NHS: variants seen among roughly 807,000 people sequenced by gnomAD.
The protein encoded by NHS is NHS actin remodeling regulator.
Under a neutral mutation model 72.5 loss-of-function variants are expected in NHS, and 5 were observed. The observed-to-expected ratio is 0.07, with a 90% CI of 0.04 to 0.14. The LOEUF (loss-of-function observed/expected upper bound fraction) is 0.14. NHS is among the 10% of genes least tolerant of loss of function. The pLI, the probability that NHS is intolerant of heterozygous loss-of-function variation, is 1.00. For synonymous variants in NHS, 464 were observed against 547.7 expected (o/e 0.85, Z 2.13); for missense variants, 1,072 against 1,355.7 (o/e 0.79, Z 3.29).
At chrX:17,429,070 T>C (rs555189706) in intron 1 of NHS, among the ~76,000 whole-genome samples, 5 of 111,787 alleles carry the variant, frequency 4.5e-5, no homozygotes, top group Middle Eastern at 9.2e-3. Context: ...ACGCACACAC[T>C]TGTGGAATTC....
chrX:17,577,736 A>G (rs1909704789), intron 1 of NHS, among the ~76,000 whole-genome samples: 1 of 111,829 alleles, frequency 8.9e-6, no homozygotes, highest in African/African-American at 3.3e-5. Flanking sequence ...AGTTGGCTCT[A>G]AAGATAATAA....
At chrX:17,679,690 TG>T (rs1210721319) in intron 1 of NHS, among the ~76,000 whole-genome samples, 1 of 111,236 alleles carries the variant, frequency 9.0e-6, no homozygotes, top group Non-Finnish European at 1.9e-5. Context: ...GTAACCAAGT[TG>T]GGCTCTCCTT....
rs192386402 is a variant in NHS, at chrX:17,566,147, T to A, written c.566-121595T>A. Among the ~76,000 whole-genome samples, 11 of 109,885 alleles carry A rather than the reference T, an allele frequency of 1.0e-4. No homozygotes were observed. The East Asian group carries it at 3.2e-3, about 32-fold the overall frequency. ...GGTGCGTGCCACCACACCCAGCTAA[T>A]TTTTAATTTTTTTTTTGTAGAGACG... On this transcript the variant is annotated intron_variant, in intron 1 of 8. Transcript: ENST00000676302.
rs371393058 is a variant in NHS, at chrX:17,519,925, T to TA, written c.565+143603_565+143604insA. 4.7e-3 allele frequency among the ~76,000 whole-genome samples: 517 copies of TA among 110,663 alleles called. 3 individuals are homozygous for TA. The highest frequency in any genetic ancestry group is 0.016 in the African/African-American group (481 of 30,327). ...GTTCTTTGCCTCTTAATCTCTCAAT[T>TA]CCCAACATAAGGCATTTCCCACTCC... On this transcript the variant is annotated intron_variant, in intron 1 of 8. Coordinates refer to ENST00000676302, the MANE Select transcript of NHS (RefSeq NM_001291867.2).
At chrX:17,552,382 C>G (rs1328155490) in intron 1 of NHS, 1 of 111,993 alleles carries the variant, frequency 8.9e-6, no homozygotes, top group Non-Finnish European at 1.9e-5. Flanking sequence ...AGTTTTCTCA[C>G]AGAGCACAAG....
chrX:17,561,375 G>A (rs2065411211), intron 1 of NHS, among the ~76,000 whole-genome samples: 1 of 110,371 alleles, frequency 9.1e-6, no homozygotes, highest in South Asian at 3.9e-4. Context: ...AGGATTCAGA[G>A]GTGCTATCTC....
intron 1 of NHS, among the ~76,000 whole-genome samples, chrX:17,414,335 G>C (rs973774391): frequency 1.8e-5 from 2 of 112,172 alleles, no homozygotes; most frequent in African/African-American, 6.5e-5. Context: ...AACGAATCCC[G>C]GTGGCTTGAG....
intron 1 of NHS, among the ~76,000 whole-genome samples, chrX:17,523,593 T>C (rs1233974387): frequency 3.6e-5 from 4 of 111,745 alleles, no homozygotes; most frequent in Non-Finnish European, 7.5e-5. Context: ...TCTCCCCAGA[T>C]GAGCTGACCT....
chrX:17,493,080 G>A (rs1257576953), intron 1 of NHS, among the ~76,000 whole-genome samples: 1 of 111,544 alleles, frequency 9.0e-6, no homozygotes, highest in Non-Finnish European at 1.9e-5. Context: ...GGAACAATAT[G>A]ATGAACCTTT....
chrX:17,390,849 G>A (rs1296781869), intron 1 of NHS, among the ~76,000 whole-genome samples: 1 of 111,967 alleles, frequency 8.9e-6, no homozygotes, highest in Non-Finnish European at 1.9e-5. Flanking sequence ...TAATACCAGC[G>A]AATCTCAGGC....
chrX:17,624,598 A>T (rs2065788806), intron 1 of NHS, among the ~76,000 whole-genome samples: 1 of 113,461 alleles, frequency 8.8e-6, no homozygotes, highest in Non-Finnish European at 1.9e-5. Context: ...TATATCTGAG[A>T]TTCACCCATA....
rs1007858515 is a variant in NHS at position 17,728,723 on chromosome X, G to A, written c.4297G>A (p.Val1433Met). The change falls in exon 8 of 9, where the codon GTG (valine) becomes ATG (methionine). Residue 1433 changes from valine (V) to methionine (M), a missense_variant. Coordinates refer to ENST00000676302, the MANE Select transcript of NHS (RefSeq NM_001291867.2). ...DSQAEAEGVF[V>M]SPNKPRTTED... ...CCAAGCTGAAGCAGAGGGTGTGTTC[G>A]TGTCTCCAAACAAACCTCGAACAAC... 5.8e-6 allele frequency: 7 copies of A among 1,209,016 alleles called. No individual in the cohort carries two copies. In the African/African-American group the frequency reaches 7.0e-5, roughly 12 times the overall value.
At chrX:17,561,605 CACACACACACACACAT>C (rs1422636125) in intron 1 of NHS, among the ~76,000 whole-genome samples, 1 of 104,158 alleles carries the variant, frequency 9.6e-6, no homozygotes, top group African/African-American at 3.5e-5. Flanking sequence ...CACACACACA[CACACACACACACACAT>C]CATGCCTTCC....
chrX:17,702,355 G>T (rs920038320), intron 3 of NHS, among the ~76,000 whole-genome samples: 8 of 111,775 alleles, frequency 7.2e-5, no homozygotes, highest in Non-Finnish European at 1.3e-4. Context: ...TTTATTGATA[G>T]ATTAATGAGT....
chrX:17,597,452 A>G (rs2065630442), intron 1 of NHS, among the ~76,000 whole-genome samples: 1 of 107,403 alleles, frequency 9.3e-6, no homozygotes, highest in Non-Finnish European at 1.9e-5. Flanking sequence ...TTTTTAAGAA[A>G]AAACAAAAAA....
chrX:17,378,059 C>CGTGTGTGTGTGTGTGTGTGTGTGTGT lies in NHS; in HGVS notation c.565+1739_565+1764dup, dbSNP rs34807039. Among the ~76,000 whole-genome samples the CGTGTGTGTGTGTGTGTGTGTGTGTGT allele has an allele frequency of 9.0e-3, 912 of 101,019 alleles. 9 individuals are homozygous for CGTGTGTGTGTGTGTGTGTGTGTGTGT. The highest frequency in any genetic ancestry group is 0.042 in the East Asian group (129 of 3,077). The allele number at this position is 101,019 out of a possible 115,157, so 87.7% of individuals were successfully genotyped here. ...ACTGTTGAGTGGTGCATACATTTCC[C>CGTGTGTGTGTGTGTGTGTGTGTGTGT]GTGTGTGTGTGTGTGTGTGTGTGTG... On this transcript the variant is annotated intron_variant, in intron 1 of 8. Coordinates refer to ENST00000676302, the MANE Select transcript of NHS (RefSeq NM_001291867.2).
chrX:17,635,338 T>C (rs2065840111), intron 1 of NHS: 4 of 1,097,987 alleles, frequency 3.6e-6, no homozygotes, highest in Non-Finnish European at 4.7e-6. Context: ...GCAGCCAGCC[T>C]AGCACTTGGG....
chrX:17,624,977 T>G (rs897025413), intron 1 of NHS, among the ~76,000 whole-genome samples: 1 of 112,501 alleles, frequency 8.9e-6, no homozygotes, highest in Non-Finnish European at 1.9e-5. Flanking sequence ...TCTGTTTGTA[T>G]GAGTTATATA....
intron 1 of NHS, among the ~76,000 whole-genome samples, chrX:17,422,061 C>A (rs1601699053): frequency 1.8e-5 from 2 of 111,447 alleles, no homozygotes; most frequent in Non-Finnish European, 3.8e-5. Flanking sequence ...CTTCATGCAC[C>A]TTTTTCAGTC....
Sources: allele counts gnomAD v4.1 joint callset (sites outside exome capture counted in the v4.1 genomes callset), GRCh38; gene constraint gnomAD v4.1.1; transcripts MANE v1.5; gene names NCBI Gene and HGNC (gene_info 2026-07-23, HGNC 2026-07-21).